CDK15: variants seen among roughly 807,000 people sequenced by gnomAD.
CDK15 encodes cyclin dependent kinase 15, also known as cyclin-dependent kinase 15.
Under a neutral mutation model 60.3 loss-of-function variants are expected in CDK15, and 62 were observed. The ratio of observed to expected loss-of-function variants is 1.03; its 90% CI spans 0.84 to 1.27. The LOEUF (loss-of-function observed/expected upper bound fraction) is 1.27. CDK15 is among the 50% of genes most tolerant of loss of function. CDK15 has a pLI of 0.00. For synonymous variants in CDK15, 194 were observed against 195.7 expected, an observed-to-expected ratio of 0.99 and a Z score of 0.07; for missense variants, 541 against 527.8, an observed-to-expected ratio of 1.03 and a Z score of -0.25.
At chr2:201,823,842 C>A in intron 6 of CDK15, 115 bp downstream of exon 6, 1 of 784,940 alleles carries the variant, frequency 1.3e-6, no homozygotes, top group Non-Finnish European at 2.0e-6. Context: ...ATGGACATCA[C>A]TGATATTCCA....
intron 10 of CDK15, among the ~76,000 whole-genome samples, chr2:201,869,272 C>T (rs12386167): frequency 0.095 from 14,376 of 151,660 alleles, 728 homozygotes; most frequent in African/African-American, 0.12. Flanking sequence ...AGCAAACTAT[C>T]GCAAGGACAG....
chr2:201,835,202 A>T (rs1559125085), intron 7 of CDK15, among the ~76,000 whole-genome samples: 1 of 152,206 alleles, frequency 6.6e-6, no homozygotes. Flanking sequence ...CAGAGCATGT[A>T]TGGTGGCCCC....
At chr2:201,855,002 C>A in intron 10 of CDK15, 65 bp downstream of exon 10, 2 of 1,448,786 alleles carry the variant, frequency 1.4e-6, no homozygotes, top group Non-Finnish European at 1.9e-6. Context: ...ATTGGCCACG[C>A]TAACAGGGCG....
intron 8 of CDK15, among the ~76,000 whole-genome samples, chr2:201,839,606 T>C (rs1329517734): frequency 6.6e-6 from 1 of 152,114 alleles, no homozygotes; most frequent in Non-Finnish European, 1.5e-5. Context: ...ACATAATTAT[T>C]TAGGGATGAA....
Position 201,835,757 on chromosome 2 carries a change from A to AC in CDK15, c.846dup (p.Ile283HisfsTer10), listed in dbSNP as rs769928433. On this transcript the variant is annotated frameshift_variant, in exon 8 of 14. Coordinates refer to ENST00000652192, the MANE Select transcript of CDK15 (RefSeq NM_001366386.2). LOFTEE classifies it high-confidence loss of function. ...GCCACTGAATATTCCTCTGAGCTGG[A>AC]CATATGGTAAGAGTGGTGCCGAGAA... The AC allele has an allele frequency of 1.9e-6, 3 of 1,585,584 alleles. No individual in the cohort carries two copies. In the African/African-American group the frequency reaches 4.0e-5, roughly 21 times the overall value.
intron 4 of CDK15, 146 bp downstream of exon 4, chr2:201,812,708 G>A: frequency 2.0e-6 from 1 of 494,108 alleles, no homozygotes. Context: ...AGTTTTTCAA[G>A]AAATTTACAC....
chr2:201,853,818 T>G (rs1419709012), intron 9 of CDK15, among the ~76,000 whole-genome samples: 1 of 152,018 alleles, frequency 6.6e-6, no homozygotes, highest in Non-Finnish European at 1.5e-5. Context: ...GGCTTTATAC[T>G]CCGAAAGACT....
chr2:201,893,417 A>G lies in CDK15; in HGVS notation c.*150A>G, dbSNP rs1308621307. ...TCACCTATGACCTGGAATAGTTTAAATATGGTGTTCAAGGCAATAGTACAT... is the reference window on the plus strand; with the variant it reads ...TCACCTATGACCTGGAATAGTTTAAGTATGGTGTTCAAGGCAATAGTACAT... On this transcript the variant is annotated 3_prime_UTR_variant, in exon 14 of 14. Transcript: ENST00000652192. 4 of 152,212 alleles carry G rather than the reference A, an allele frequency of 2.6e-5. No individual in the cohort carries two copies. Among genetic ancestry groups the G allele is most frequent in the African/African-American group, 9.6e-5 (4 of 41,456 alleles). 9.4% of individuals were successfully genotyped at this position (152,212 alleles called of 1,614,324 possible). A position where few individuals can be genotyped will look rare whatever the true frequency, so the allele number is the denominator to read the frequency against.
chr2:201,854,507 C>T, intron 9 of CDK15, among the ~76,000 whole-genome samples: 1 of 152,196 alleles, frequency 6.6e-6, no homozygotes, highest in East Asian at 1.9e-4. Flanking sequence ...GGCAAAGAGA[C>T]AGTCACTCCT....
chr2:201,808,893 A>T (rs1335676006), intron 3 of CDK15: 1 of 148,810 alleles, frequency 6.7e-6, no homozygotes, highest in Admixed American at 6.8e-5. Context: ...ATTGTAGGGG[A>T]CATACAGTTT....
At position 201,868,686 on chromosome 2, in the gene CDK15, C is replaced by CAA. The variant is rs77783484; in HGVS notation, c.1010-3581_1010-3580dup. Among the ~76,000 whole-genome samples, 66 of 135,788 alleles carry CAA rather than the reference C, an allele frequency of 4.9e-4. 1 individual carries two copies. The highest frequency in any genetic ancestry group is 1.2e-3 in the African/African-American group (48 of 39,088). 89.1% of individuals were successfully genotyped at this position (135,788 alleles called of 152,430 possible). A position where few individuals can be genotyped will look rare whatever the true frequency, so the allele number is the denominator to read the frequency against. On this transcript the variant is annotated intron_variant, in intron 10 of 13. Transcript: ENST00000652192. ...TCTACAAAGAACTTAAATAAGTTTACAAAAAAAAAAAACCATCAAAAAGTA... is the reference window on the plus strand; with the variant it reads ...TCTACAAAGAACTTAAATAAGTTTACAAAAAAAAAAAAAACCATCAAAAAGTA...
At chr2:201,813,743 A>C (rs1405109510) in intron 4 of CDK15, among the ~76,000 whole-genome samples, 1 of 152,248 alleles carries the variant, frequency 6.6e-6, no homozygotes, top group Non-Finnish European at 1.5e-5. Flanking sequence ...TGGAAAAAGC[A>C]ATTCAGAAAA....
chr2:201,864,571 G>A (rs1279787393), intron 10 of CDK15, among the ~76,000 whole-genome samples: 4 of 152,074 alleles, frequency 2.6e-5, no homozygotes, highest in African/African-American at 9.7e-5. Flanking sequence ...CACCCACCTC[G>A]GCCTTCCAAA....
At chr2:201,849,519 G>A (rs1287108549) in intron 9 of CDK15, among the ~76,000 whole-genome samples, 1 of 151,678 alleles carries the variant, frequency 6.6e-6, no homozygotes, top group Admixed American at 6.6e-5. Flanking sequence ...GACTCTACAA[G>A]GTCTTGTAAG....
At chr2:201,854,503 G>A (rs1698056635) in intron 9 of CDK15, among the ~76,000 whole-genome samples, 1 of 152,204 alleles carries the variant, frequency 6.6e-6, no homozygotes, top group African/African-American at 2.4e-5. Flanking sequence ...GCAAGGCAAA[G>A]AGACAGTCAC....
intron 4 of CDK15, among the ~76,000 whole-genome samples, chr2:201,820,665 A>C (rs1396876213): frequency 3.9e-5 from 6 of 152,144 alleles, no homozygotes; most frequent in Non-Finnish European, 5.9e-5. Flanking sequence ...TTGACAAATT[A>C]AGTGCTTACT....
chr2:201,860,945 C>G, intron 10 of CDK15: 6 of 1,274,188 alleles, frequency 4.7e-6, no homozygotes, highest in Non-Finnish European at 6.1e-6. Flanking sequence ...GCTTTGGGCT[C>G]AATGAGTTCT....
At chr2:201,811,340 CG>C (rs1219287511) in intron 3 of CDK15, among the ~76,000 whole-genome samples, 1 of 151,938 alleles carries the variant, frequency 6.6e-6, no homozygotes, top group African/African-American at 2.4e-5. Flanking sequence ...TTAGTAGAGA[CG>C]GGGTTTCACT....
At chr2:201,866,511 C>T (rs556114552) in intron 10 of CDK15, among the ~76,000 whole-genome samples, 2 of 152,292 alleles carry the variant, frequency 1.3e-5, no homozygotes, top group East Asian at 1.9e-4. Context: ...TTTCCTTTTG[C>T]AACTTTGCTT....
Sources: allele counts gnomAD v4.1 joint callset (sites outside exome capture counted in the v4.1 genomes callset), GRCh38; gene constraint gnomAD v4.1.1; transcripts MANE v1.5; gene names NCBI Gene and HGNC (gene_info 2026-07-23, HGNC 2026-07-21).